Variants in CNIH3 observed in about 807,000 individuals in gnomAD.
The protein encoded by CNIH3 is protein cornichon homolog 3.
Under a neutral mutation model 24.1 loss-of-function variants are expected in CNIH3, and 14 were observed. The observed-to-expected ratio is 0.58, with a 90% CI of 0.38 to 0.91. CNIH3 has a LOEUF of 0.91. CNIH3 is among the 40% of genes least tolerant of loss of function. CNIH3 has a pLI of 0.00. For synonymous variants in CNIH3, 68 were observed against 73.8 expected (o/e 0.92, Z 0.40); for missense variants, 178 against 196.8 (o/e 0.90, Z 0.57).
chr1:224,660,986 T>C (rs1205316391), intron 1 of CNIH3, among the ~76,000 whole-genome samples: 2 of 152,232 alleles, frequency 1.3e-5, no homozygotes, highest in African/African-American at 4.8e-5. Context: ...AAAGTCCTAT[T>C]TTGTGGTCCC....
intron 1 of CNIH3, among the ~76,000 whole-genome samples, chr1:224,651,249 T>C (rs901171009): frequency 6.6e-6 from 1 of 152,182 alleles, no homozygotes; most frequent in African/African-American, 2.4e-5. Flanking sequence ...GGGAGTATTT[T>C]CCTGATTATG....
intron 1 of CNIH3, among the ~76,000 whole-genome samples, chr1:224,672,452 A>T (rs1685914644): frequency 6.6e-6 from 1 of 152,196 alleles, no homozygotes; most frequent in African/African-American, 2.4e-5. Context: ...ATAGGAATTT[A>T]TTCTCTCAAA....
chr1:224,436,578 A>G (rs1674676893), intron 1 of CNIH3, among the ~76,000 whole-genome samples: 1 of 152,334 alleles, frequency 6.6e-6, no homozygotes, highest in South Asian at 2.1e-4. Flanking sequence ...TCTAATTTTT[A>G]GGTAACCAAC....
At chr1:224,499,551 A>T (rs1017555617) in intron 1 of CNIH3, among the ~76,000 whole-genome samples, 14 of 152,152 alleles carry the variant, frequency 9.2e-5, no homozygotes, top group Admixed American at 4.6e-4. Flanking sequence ...CTCCCTCCTC[A>T]ACAGTTTTCA....
At chr1:224,447,162 G>A (rs1675201440) in intron 1 of CNIH3, among the ~76,000 whole-genome samples, 1 of 152,136 alleles carries the variant, frequency 6.6e-6, no homozygotes, top group Non-Finnish European at 1.5e-5. Flanking sequence ...TCAATAGGGT[G>A]CATCTGCAAG....
intron 1 of CNIH3, among the ~76,000 whole-genome samples, chr1:224,486,418 A>G (rs1677033828): frequency 6.6e-6 from 1 of 152,078 alleles, no homozygotes; most frequent in African/African-American, 2.4e-5. Flanking sequence ...TTTTATGCAT[A>G]GTCCTTAAGT....
intron 3 of CNIH3, among the ~76,000 whole-genome samples, chr1:224,720,800 G>A (rs932586219): frequency 5.9e-5 from 9 of 152,102 alleles, no homozygotes; most frequent in Non-Finnish European, 1.2e-4. Flanking sequence ...ATTTCCAGTC[G>A]CCATGTCGTT....
At chr1:224,464,282 G>A (rs1324157045) in intron 1 of CNIH3, among the ~76,000 whole-genome samples, 1 of 151,760 alleles carries the variant, frequency 6.6e-6, no homozygotes, top group Non-Finnish European at 1.5e-5. Context: ...ATTCATTTAG[G>A]TCAATGCTCT....
At chr1:224,591,385 T>C (rs1681747833), downstream of CNIH3, among the ~76,000 whole-genome samples, 1 of 152,194 alleles carries the variant, frequency 6.6e-6, no homozygotes, top group Non-Finnish European at 1.5e-5. Context: ...TTACTAGCTG[T>C]GTGTCCTTGG....
intron 3 of CNIH3, among the ~76,000 whole-genome samples, chr1:224,687,941 C>T (rs1686740576): frequency 6.6e-6 from 1 of 152,186 alleles, no homozygotes; most frequent in Non-Finnish European, 1.5e-5. Context: ...CATTCTTGTA[C>T]TAAGTCCGTT....
chr1:224,502,136 T>C (rs1677700868), intron 1 of CNIH3, among the ~76,000 whole-genome samples: 1 of 152,114 alleles, frequency 6.6e-6, no homozygotes, highest in South Asian at 2.1e-4. Context: ...GTGCTGCAGA[T>C]ACGGCTCCCG....
chr1:224,445,604 T>C (rs1376949986), intron 1 of CNIH3, among the ~76,000 whole-genome samples: 1 of 148,792 alleles, frequency 6.7e-6, no homozygotes, highest in African/African-American at 2.5e-5. Context: ...AAAGAAAGAT[T>C]GTGTTGCCTT....
intron 1 of CNIH3, among the ~76,000 whole-genome samples, chr1:224,646,815 C>T (rs909209592): frequency 1.3e-5 from 2 of 152,046 alleles, no homozygotes; most frequent in African/African-American, 4.8e-5. Flanking sequence ...AGTGATTGGC[C>T]CTACACTGGT....
At chr1:224,434,971 C>G in intron 1 of CNIH3, 1 of 985,614 alleles carries the variant, frequency 1.0e-6, no homozygotes, top group Non-Finnish European at 1.2e-6. Context: ...ACCCCATCCA[C>G]GACCCCGACT....
At chr1:224,738,773 C>T (rs1266934159) in intron 5 of CNIH3, among the ~76,000 whole-genome samples, 1 of 152,068 alleles carries the variant, frequency 6.6e-6, no homozygotes, top group African/African-American at 2.4e-5. Flanking sequence ...ATGTTTAATT[C>T]CTGGAGTCCA....
downstream of CNIH3, among the ~76,000 whole-genome samples, chr1:224,590,685 C>A (rs530260540): frequency 9.9e-5 from 15 of 152,122 alleles, no homozygotes; most frequent in Non-Finnish European, 1.6e-4. Flanking sequence ...CTAAACACCC[C>A]CCCTTAGGTC....
At chr1:224,720,917 CT>C (rs1688688582) in intron 3 of CNIH3, among the ~76,000 whole-genome samples, 1 of 152,144 alleles carries the variant, frequency 6.6e-6, no homozygotes, top group South Asian at 2.1e-4. Context: ...AAGGATGGCT[CT>C]GAGTGTCCCT....
At chr1:224,645,421 C>A (rs901322178) in intron 1 of CNIH3, among the ~76,000 whole-genome samples, 4 of 152,258 alleles carry the variant, frequency 2.6e-5, no homozygotes, top group African/African-American at 9.6e-5. Context: ...CGCCTCTGTT[C>A]AGCGTTGTAC....
intron 3 of CNIH3, among the ~76,000 whole-genome samples, chr1:224,685,588 T>C (rs1158354455): frequency 1.3e-5 from 2 of 152,200 alleles, no homozygotes; most frequent in Non-Finnish European, 2.9e-5. Flanking sequence ...GTGGATGAAC[T>C]ACAGGCCATA....
Sources: gnomAD v4.1 joint callset for allele counts (sites outside exome capture counted in the v4.1 genomes callset) on GRCh38, gnomAD v4.1.1 for gene constraint, MANE v1.5 for transcripts, NCBI Gene and HGNC (gene_info 2026-07-23, HGNC 2026-07-21) for gene names.